Variants in HERC4 observed in about 807,000 individuals in gnomAD.
HERC4 encodes HECT and RLD domain containing E3 ubiquitin protein ligase 4.
HERC4 carries 28 observed loss-of-function variants against 124.3 expected under a neutral mutation model. The observed-to-expected ratio is 0.23, with a 90% confidence interval of 0.17 to 0.31. HERC4 has a LOEUF of 0.31. Ranked by LOEUF, HERC4 falls within the 10% of genes least tolerant of loss-of-function variation. HERC4 has a pLI of 1.00. For synonymous variants in HERC4, 407 were observed against 421.5 expected (o/e 0.97, Z 0.42); for missense variants, 713 against 1,229.3 (o/e 0.58, Z 6.28).
intron 7 of HERC4, among the ~76,000 whole-genome samples, chr10:68,029,772 G>A (rs546355085): frequency 2.1e-4 from 31 of 144,784 alleles, no homozygotes; most frequent in African/African-American, 6.9e-4. Flanking sequence ...ACAGAGTCTC[G>A]CTGTCGACCA....
chr10:68,000,877 C>T (rs963176596), intron 9 of HERC4, among the ~76,000 whole-genome samples: 1 of 152,106 alleles, frequency 6.6e-6, no homozygotes, highest in African/African-American at 2.4e-5. Flanking sequence ...ACTCTAAATT[C>T]GGACTTCTAG....
chr10:67,969,904 A>C (rs2035128001), intron 15 of HERC4, among the ~76,000 whole-genome samples: 1 of 152,190 alleles, frequency 6.6e-6, no homozygotes, highest in Non-Finnish European at 1.5e-5. Flanking sequence ...CTCCTCTACC[A>C]ATCTTGAAAG....
chr10:67,924,289 ACATT>A (rs1186641106), intron 24 of HERC4, among the ~76,000 whole-genome samples: 1 of 152,218 alleles, frequency 6.6e-6, no homozygotes, highest in Non-Finnish European at 1.5e-5. Context: ...AATAACATGT[ACATT>A]CATGTGTCAC....
Position 68,060,592 on chromosome 10 carries a change from T to C in HERC4, c.226+12291A>G, listed in dbSNP as rs145963768. Reference sequence around the variant, plus strand: ...ACTAAATTTCTCTCCAATTATATGGTTTATGTGTTTCTTCACCCTATACAA... The same window carrying C: ...ACTAAATTTCTCTCCAATTATATGGCTTATGTGTTTCTTCACCCTATACAA... On this transcript the variant is annotated intron_variant, in intron 3 of 24. Transcript: ENST00000373700. Among the ~76,000 whole-genome samples, 21 of 152,282 alleles carry C rather than the reference T, an allele frequency of 1.4e-4. No homozygotes were observed. The East Asian group carries it at 4.1e-3, about 29-fold the overall frequency.
Position 67,955,149 on chromosome 10 carries a change from A to T in HERC4, c.2026-19T>A. Reference sequence around the variant, plus strand: ...TAGCCATCTGGAAAACAAAAGATTAACATTTTAACAGCAATGCTACAATAA... The same window carrying T: ...TAGCCATCTGGAAAACAAAAGATTATCATTTTAACAGCAATGCTACAATAA... On this transcript the variant is annotated intron_variant, in intron 17 of 24. Transcript: ENST00000373700. The T allele has an allele frequency of 6.4e-7, 1 of 1,567,780 alleles. No individual in the cohort carries two copies. The highest frequency in any genetic ancestry group is 1.2e-5 in the South Asian group (1 of 84,650).
chr10:68,014,269 G>T (rs889215715), intron 8 of HERC4, 83 bp from the exon 9 acceptor site: 2 of 1,250,596 alleles, frequency 1.6e-6, no homozygotes, highest in Non-Finnish European at 2.1e-6. Flanking sequence ...AATATCAAAA[G>T]AGGTAATTTT....
At chr10:67,967,947 A>G (rs141613140) in intron 15 of HERC4, among the ~76,000 whole-genome samples, 3,005 of 152,124 alleles carry the variant, frequency 0.02, 39 homozygotes, top group Non-Finnish European at 0.03. Context: ...ATTAAAAGAG[A>G]CTAGAGGAAT....
chr10:67,927,430 A>ATTTTTTT (rs373401588), intron 23 of HERC4, among the ~76,000 whole-genome samples: 44 of 37,904 alleles, frequency 1.2e-3, no homozygotes, highest in African/African-American at 1.8e-3. Flanking sequence ...ATATATATAT[A>ATTTTTTT]TTTTTTTTTT....
At chr10:67,933,410 GA>G (rs1250173016) in intron 22 of HERC4, among the ~76,000 whole-genome samples, 1 of 152,058 alleles carries the variant, frequency 6.6e-6, no homozygotes, top group Non-Finnish European at 1.5e-5. Context: ...AAGAAAAAAA[GA>G]AGCCCCTTTA....
chr10:67,997,454 A>T (rs1340912922), intron 9 of HERC4, among the ~76,000 whole-genome samples: 1 of 152,290 alleles, frequency 6.6e-6, no homozygotes, highest in Admixed American at 6.5e-5. Context: ...CCGTAGTAAA[A>T]TAGGTAACTA....
chr10:67,960,931 T>C, intron 16 of HERC4: 1 of 324,918 alleles, frequency 3.1e-6, no homozygotes, highest in South Asian at 2.9e-5. Flanking sequence ...TGACCACTTC[T>C]TTCAAGTCAC....
intron 19 of HERC4, among the ~76,000 whole-genome samples, chr10:67,943,515 C>A (rs976311387): frequency 5.9e-5 from 9 of 152,150 alleles, no homozygotes; most frequent in Admixed American, 3.9e-4. Flanking sequence ...CAGAGGTAGC[C>A]CAGTTAGCTC....
At chr10:67,952,233 T>G (rs1336397056) in intron 19 of HERC4, among the ~76,000 whole-genome samples, 1 of 152,224 alleles carries the variant, frequency 6.6e-6, no homozygotes, top group Non-Finnish European at 1.5e-5. Flanking sequence ...ATTCACTTGT[T>G]AAAACCAAAA....
Position 68,059,843 on chromosome 10 carries a change from T to TATTATATATCATAATATTATATATTATA in HERC4, c.226+13039_226+13040insTATAATATATAATATTATGATATATAAT, listed in dbSNP as rs1564609898. Among the ~76,000 whole-genome samples the TATTATATATCATAATATTATATATTATA allele has an allele frequency of 2.3e-4, 6 of 26,306 alleles. 1 individual carries two copies. In the Admixed American group the frequency reaches 2.3e-3, roughly 10 times the overall value. The allele number at this position is 26,306 out of a possible 152,430, so 17.3% of individuals were successfully genotyped here. A position where few individuals can be genotyped will look rare whatever the true frequency, so the allele number is the denominator to read the frequency against. Reference sequence around the variant, plus strand: ...TATATCATAATATTATATATTATAATATATTATATATCATAATATTATATA... The same window carrying TATTATATATCATAATATTATATATTATA: ...TATATCATAATATTATATATTATAATATTATATATCATAATATTATATATTATAATATTATATATCATAATATTATATA... On this transcript the variant is annotated intron_variant, in intron 3 of 24. Transcript: ENST00000373700.
chr10:67,985,986 CA>C (rs1323457570), intron 15 of HERC4, among the ~76,000 whole-genome samples: 1 of 152,154 alleles, frequency 6.6e-6, no homozygotes. Flanking sequence ...GGAATTTAGG[CA>C]GCTGTCAGAT....
intron 15 of HERC4, among the ~76,000 whole-genome samples, chr10:67,978,976 T>C (rs151056898): frequency 6.6e-6 from 1 of 152,222 alleles, no homozygotes; most frequent in Non-Finnish European, 1.5e-5. Flanking sequence ...CAAGTCCTTC[T>C]GAATATCTGG....
intron 7 of HERC4, among the ~76,000 whole-genome samples, chr10:68,031,618 C>T (rs2039208062): frequency 6.6e-6 from 1 of 152,150 alleles, no homozygotes; most frequent in Non-Finnish European, 1.5e-5. Context: ...TTAAAATTAA[C>T]TTTCATAATT....
intron 3 of HERC4, among the ~76,000 whole-genome samples, chr10:68,056,133 A>C (rs2040537286): frequency 6.6e-6 from 1 of 152,208 alleles, no homozygotes; most frequent in South Asian, 2.1e-4. Flanking sequence ...TAAAGGTGAA[A>C]TATAAAGACT....
At chr10:67,991,279 GAATA>G (rs2036536747) in intron 11 of HERC4, 80 bp from the exon 12 acceptor site, 1 of 775,852 alleles carries the variant, frequency 1.3e-6, no homozygotes, top group African/African-American at 1.8e-5. Flanking sequence ...GAATTAAAAT[GAATA>G]ATTAATCTAA....
Sources: allele counts gnomAD v4.1 joint callset (sites outside exome capture counted in the v4.1 genomes callset), GRCh38; gene constraint gnomAD v4.1.1; transcripts MANE v1.5; gene names NCBI Gene and HGNC (gene_info 2026-07-23, HGNC 2026-07-21).